NTN4: variants seen among roughly 807,000 people sequenced by gnomAD.
NTN4 encodes the protein netrin 4.
NTN4 carries 32 observed loss-of-function variants against 73.6 expected under a neutral mutation model. The observed-to-expected ratio is 0.44, with a 90% CI of 0.33 to 0.58. The LOEUF (loss-of-function observed/expected upper bound fraction) is 0.58. Ranked by LOEUF, NTN4 falls within the 20% of genes least tolerant of loss-of-function variation. NTN4 has a pLI of 0.04. For missense variants in NTN4, 654 were observed against 798.3 expected, an observed-to-expected ratio of 0.82 and a Z score of 2.18; for synonymous variants, 258 against 287.5, an observed-to-expected ratio of 0.90 and a Z score of 1.04.
chr12:95,742,608 T>C (rs1019495910), intron 2 of NTN4, among the ~76,000 whole-genome samples: 2 of 152,240 alleles, frequency 1.3e-5, no homozygotes, highest in Non-Finnish European at 2.9e-5. Context: ...TCTTTTTAGC[T>C]GCTAGCTTGA....
chr12:95,781,107 C>T lies in NTN4; in HGVS notation c.585+5832G>A, dbSNP rs1472488130. ...AGGTGGGAATTGAACAATGAGAACA[C>T]TTGGGCACAGGAAGGGGAACATCAC... On this transcript the variant is annotated intron_variant, in intron 2 of 9. Coordinates refer to ENST00000343702, the MANE Select transcript of NTN4 (RefSeq NM_021229.4). This position sits in a 1 kb window ranked among gnomAD's most constrained non-coding sequence, Gnocchi z 4.1. Among the ~76,000 whole-genome samples, 3 of 152,096 alleles carry T rather than the reference C, an allele frequency of 2.0e-5. No individual in the cohort carries two copies. Among genetic ancestry groups the T allele is most frequent in the Non-Finnish European group, 2.9e-5 (2 of 68,030 alleles).
chr12:95,749,436 C>T (rs1282651159), intron 2 of NTN4, among the ~76,000 whole-genome samples: 5 of 152,150 alleles, frequency 3.3e-5, no homozygotes, highest in African/African-American at 1.2e-4. Context: ...ATCAGGTAAG[C>T]GGCCTCTTCT....
At chr12:95,737,733 T>A in intron 3 of NTN4, 133 bp downstream of exon 3, 1 of 747,338 alleles carries the variant, frequency 1.3e-6, no homozygotes, top group South Asian at 2.0e-5. Flanking sequence ...CTTTATAGGA[T>A]GAGTATGGAG....
chr12:95,710,784 A>T (rs1030702593), intron 4 of NTN4, among the ~76,000 whole-genome samples, 155 bp from the exon 5 acceptor site: 1 of 152,112 alleles, frequency 6.6e-6, no homozygotes, highest in Non-Finnish European at 1.5e-5. Context: ...CAGGTGGATC[A>T]CCTGAGGCCA....
intron 5 of NTN4, among the ~76,000 whole-genome samples, chr12:95,701,690 T>C (rs2078486102): frequency 6.6e-6 from 1 of 152,136 alleles, no homozygotes; most frequent in African/African-American, 2.4e-5. Flanking sequence ...TTTATAACCA[T>C]TAAGTAAAAA....
At chr12:95,759,529 C>A (rs1253819704) in intron 2 of NTN4, among the ~76,000 whole-genome samples, 2 of 142,984 alleles carry the variant, frequency 1.4e-5, no homozygotes, top group South Asian at 4.5e-4. Context: ...TGCTCTATCT[C>A]GGCTCACTGC....
chr12:95,687,334 C>T (rs1227126015), intron 5 of NTN4, among the ~76,000 whole-genome samples: 1 of 152,004 alleles, frequency 6.6e-6, no homozygotes, highest in Admixed American at 6.6e-5. Flanking sequence ...AAGTTTGCAG[C>T]CTTAAATCTG....
chr12:95,661,346 T>C (rs1307763597), intron 9 of NTN4, among the ~76,000 whole-genome samples: 1 of 152,146 alleles, frequency 6.6e-6, no homozygotes, highest in Non-Finnish European at 1.5e-5. Context: ...AGAAGAGAAT[T>C]CAAAAGAATT....
In NTN4 at chr12:95,747,423, C is replaced by T. The variant is rs187308514; in HGVS notation, c.586-9279G>A. On this transcript the variant is annotated intron_variant, in intron 2 of 9. Transcript: ENST00000343702. ...CCTTGAACTACTGGGCTCAAGTAATCCTCCTGCGTAGCTGGGATTACAGGT... is the reference window on the plus strand; with the variant it reads ...CCTTGAACTACTGGGCTCAAGTAATTCTCCTGCGTAGCTGGGATTACAGGT... 1.6e-3 allele frequency among the ~76,000 whole-genome samples: 248 copies of T among 152,220 alleles called. 1 individual carries two copies. Among genetic ancestry groups the T allele is most frequent in the African/African-American group, 5.8e-3 (241 of 41,512 alleles).
intron 5 of NTN4, among the ~76,000 whole-genome samples, chr12:95,690,428 C>T (rs2078393480): frequency 6.6e-6 from 1 of 152,162 alleles, no homozygotes; most frequent in African/African-American, 2.4e-5. Flanking sequence ...GATTTTGCCT[C>T]TAAAACATTG....
intron 2 of NTN4, among the ~76,000 whole-genome samples, chr12:95,754,284 T>C (rs923707304): frequency 1.3e-5 from 2 of 150,446 alleles, no homozygotes; most frequent in African/African-American, 4.9e-5. Flanking sequence ...CACAAAATCT[T>C]CCTTCAGCTT....
chr12:95,727,588 G>C (rs1301264343), intron 3 of NTN4, among the ~76,000 whole-genome samples: 1 of 151,996 alleles, frequency 6.6e-6, no homozygotes. Context: ...GATCCATTTT[G>C]GTTAATTTTT....
chr12:95,760,871 A>G (rs2078982342), intron 2 of NTN4, among the ~76,000 whole-genome samples: 1 of 152,172 alleles, frequency 6.6e-6, no homozygotes, highest in Admixed American at 6.5e-5. Context: ...ATCTGATTTT[A>G]AGGAGATTAG....
At chr12:95,731,075 T>A (rs1032205048) in intron 3 of NTN4, among the ~76,000 whole-genome samples, 1 of 152,242 alleles carries the variant, frequency 6.6e-6, no homozygotes, top group Non-Finnish European at 1.5e-5. Context: ...TCCAAAGTTT[T>A]TGCTTTTATT....
intron 5 of NTN4, among the ~76,000 whole-genome samples, chr12:95,695,949 T>TTCCC: frequency 6.8e-6 from 1 of 147,784 alleles, no homozygotes; most frequent in Non-Finnish European, 1.5e-5. Context: ...TTTTCTTTCT[T>TTCCC]TCCCTCCCTC....
At chr12:95,708,273 T>C in intron 5 of NTN4, among the ~76,000 whole-genome samples, 1 of 138,386 alleles carries the variant, frequency 7.2e-6, no homozygotes, top group East Asian at 2.0e-4. Flanking sequence ...TATTTATTTA[T>C]TTATTTATTT....
At chr12:95,684,633 CCTT>C (rs1190858775) in intron 5 of NTN4, among the ~76,000 whole-genome samples, 5 of 152,014 alleles carry the variant, frequency 3.3e-5, no homozygotes, top group Non-Finnish European at 7.4e-5. Flanking sequence ...AGTCAAAAGT[CCTT>C]CTCCTCAGCC....
At chr12:95,672,632 G>T in intron 7 of NTN4, 1 of 1,522,210 alleles carries the variant, frequency 6.6e-7, no homozygotes. Context: ...GCATGGTGAG[G>T]CCCAGGTGAA....
intron 3 of NTN4, among the ~76,000 whole-genome samples, chr12:95,720,444 G>A (rs148247351): frequency 4.7e-4 from 71 of 152,286 alleles, no homozygotes; most frequent in African/African-American, 1.6e-3. Flanking sequence ...CTCTCTACTA[G>A]ATTGTAAGAC....
Sources: gnomAD v4.1 joint callset for allele counts (sites outside exome capture counted in the v4.1 genomes callset) on GRCh38, gnomAD v4.1.1 for gene constraint, Gnocchi (gnomAD v3.1) non-coding constraint, MANE v1.5 for transcripts, NCBI Gene and HGNC (gene_info 2026-07-23, HGNC 2026-07-21) for gene names.